Variants in GREB1 observed in about 807,000 individuals in gnomAD.
GREB1 encodes protein GREB1.
Under a neutral mutation model 200.7 loss-of-function variants are expected in GREB1, and 106 were observed. That is an observed-to-expected ratio of 0.53 (90% CI 0.45 to 0.62). The LOEUF (loss-of-function observed/expected upper bound fraction) is 0.62. GREB1 is among the 20% of genes least tolerant of loss of function. GREB1 has a pLI of 0.00. For missense variants in GREB1, 2,243 were observed against 2,556.8 expected (o/e 0.88, Z 2.65); for synonymous variants, 1,132 against 1,092.4 (o/e 1.04, Z -0.72).
At chr2:11,525,242 C>G (rs896998756) in intron 1 of GREB1, among the ~76,000 whole-genome samples, 1 of 152,114 alleles carries the variant, frequency 6.6e-6, no homozygotes, top group Admixed American at 6.6e-5. Context: ...CGGTGGCTCA[C>G]GCCTGTAATC....
At chr2:11,524,656 C>T (rs985195124) in intron 1 of GREB1, among the ~76,000 whole-genome samples, 4 of 152,174 alleles carry the variant, frequency 2.6e-5, no homozygotes, top group African/African-American at 9.7e-5. Context: ...TTTGTTCTTT[C>T]GTTACTTTTC....
At chr2:11,521,276 A>AT (rs1386826836) in intron 1 of GREB1, among the ~76,000 whole-genome samples, 2 of 152,032 alleles carry the variant, frequency 1.3e-5, no homozygotes, top group Admixed American at 1.3e-4. Flanking sequence ...TACCAAGCTA[A>AT]TTTTTGTATT....
chr2:11,557,784 C>T (rs1334576865), intron 2 of GREB1, among the ~76,000 whole-genome samples: 1 of 152,228 alleles, frequency 6.6e-6, no homozygotes, highest in African/African-American at 2.4e-5. Flanking sequence ...CTGAGAGAAA[C>T]TAGACTGTGG....
At chr2:11,538,796 C>CCTTCTTCCTTCCTTCCTTCCCTT (rs199574019) in intron 1 of GREB1, among the ~76,000 whole-genome samples, 14 of 23,948 alleles carry the variant, frequency 5.8e-4, no homozygotes, top group African/African-American at 9.2e-4. Context: ...TCCTTCCTTC[C>CCTTCTTCCTTCCTTCCTTCCCTT]CTTCTTTACT....
intron 1 of GREB1, among the ~76,000 whole-genome samples, chr2:11,511,088 G>A (rs1673337173): frequency 1.3e-5 from 2 of 152,172 alleles, no homozygotes; most frequent in African/African-American, 4.8e-5. Flanking sequence ...CTTCACATTG[G>A]CTTCTGCAGG....
intron 4 of GREB1, among the ~76,000 whole-genome samples, chr2:11,569,970 T>C (rs763641374): frequency 1.3e-5 from 2 of 152,216 alleles, no homozygotes; most frequent in African/African-American, 2.4e-5. Flanking sequence ...TGAGGTGATC[T>C]AGCCTTCTTT....
At position 11,633,425 on chromosome 2, in the gene GREB1, G is replaced by T. The variant is rs778091287; in HGVS notation, c.4991+362G>T. 2.6e-5 allele frequency among the ~76,000 whole-genome samples: 4 copies of T among 151,958 alleles called. No homozygotes were observed. Among genetic ancestry groups the T allele is most frequent in the Non-Finnish European group, 5.9e-5 (4 of 68,010 alleles). On this transcript the variant is annotated intron_variant, in intron 28 of 32. Transcript: ENST00000381486. This position sits in a 1 kb window ranked among gnomAD's most constrained non-coding sequence, Gnocchi z 4.1. ...AAAATACAAAAAAATTTAGCTGGGC[G>T]TGGTGGCGGGCGCCTGTAGTCCCAG...
At chr2:11,495,954 C>A (rs1345588748) in intron 1 of GREB1, among the ~76,000 whole-genome samples, 1 of 152,030 alleles carries the variant, frequency 6.6e-6, no homozygotes, top group Non-Finnish European at 1.5e-5. Context: ...TAACGGCAAC[C>A]CCGTTTTCCA....
At chr2:11,639,306 C>G (rs916263242) in intron 32 of GREB1, among the ~76,000 whole-genome samples, 1 of 152,204 alleles carries the variant, frequency 6.6e-6, no homozygotes, top group Non-Finnish European at 1.5e-5. Context: ...CCAGGCTGGT[C>G]TCGAACTCCC....
At position 11,497,089 on chromosome 2, in the gene GREB1, G is replaced by A. The variant is rs149143680; in HGVS notation, c.-159+14708G>A. 5.3e-4 allele frequency among the ~76,000 whole-genome samples: 81 copies of A among 152,256 alleles called. No individual in the cohort carries two copies. The East Asian group carries it at 0.012, about 22-fold the overall frequency. On this transcript the variant is annotated intron_variant, in intron 1 of 2. Transcript: ENST00000628795. Reference sequence around the variant, plus strand: ...TGGGATTACAGATGTGAGCCACCACGCCTGGCCTGTACTGCCCTTTTATAG... The same window carrying A: ...TGGGATTACAGATGTGAGCCACCACACCTGGCCTGTACTGCCCTTTTATAG...
chr2:11,559,843 G>T (rs1223821075), intron 2 of GREB1, among the ~76,000 whole-genome samples: 4 of 152,134 alleles, frequency 2.6e-5, no homozygotes, highest in Non-Finnish European at 5.9e-5. Flanking sequence ...CCCCACCTCT[G>T]GGTAATCTCT....
intron 7 of GREB1, among the ~76,000 whole-genome samples, chr2:11,582,722 C>A (rs1341399724): frequency 6.6e-6 from 1 of 152,244 alleles, no homozygotes; most frequent in African/African-American, 2.4e-5. Context: ...ATGACGCTGG[C>A]TGGGTTGAGT....
chr2:11,634,213 G>A lies in GREB1; in HGVS notation c.5074G>A (p.Ala1692Thr), dbSNP rs991868518. 5 of 1,614,202 alleles carry A rather than the reference G, an allele frequency of 3.1e-6. No individual in the cohort carries two copies. Among genetic ancestry groups the A allele is most frequent in the South Asian group, 2.2e-5 (2 of 91,090 alleles). Reference sequence around the variant, plus strand: ...GGCGGCCCCCGACATCATGCACTACGCCCTGCTGGGCCTGCGGAAGTGGTC... The same window carrying A: ...GGCGGCCCCCGACATCATGCACTACACCCTGCTGGGCCTGCGGAAGTGGTC... ...IEAAPDIMHY[A>T]LLGLRKWSSK... The change falls in exon 29 of 33, where the codon GCC (alanine) becomes ACC (threonine). Residue 1692 changes from alanine to threonine, a missense_variant. Ala to Thr is a moderately conservative substitution (Grantham distance 58). Around this residue, in one of 3 missense-constraint regions of GREB1, gnomAD observed 478 missense variants for 616.3 expected, o/e 0.78. Transcript: ENST00000381486.
chr2:11,564,134 A>T (rs1017198345), intron 3 of GREB1, among the ~76,000 whole-genome samples: 11 of 152,202 alleles, frequency 7.2e-5, no homozygotes, highest in Non-Finnish European at 1.2e-4. Context: ...AGGAACTACT[A>T]GCAGATTATT....
chr2:11,598,637 TGC>T (rs1681482538), intron 14 of GREB1, 41 bp from the exon 15 acceptor site: 1 of 1,575,012 alleles, frequency 6.3e-7, no homozygotes, highest in Non-Finnish European at 8.7e-7. Context: ...TGAAACCCAG[TGC>T]GCATGTTTGC....
intron 1 of GREB1, among the ~76,000 whole-genome samples, chr2:11,485,761 C>T (rs1163985046): frequency 6.6e-6 from 1 of 152,156 alleles, no homozygotes; most frequent in Non-Finnish European, 1.5e-5. Context: ...TATCATTTTA[C>T]TTGACATTAG....
At position 11,598,810 on chromosome 2, in the gene GREB1, G is replaced by T; in HGVS notation, c.2283G>T (p.Pro761=). 6.2e-6 allele frequency: 10 copies of T among 1,614,126 alleles called. No individual in the cohort carries two copies. Among genetic ancestry groups the T allele is most frequent in the Non-Finnish European group, 8.5e-6 (10 of 1,179,988 alleles). ...TTCTGCAAAACTCCTTCCAGAACCCGCATACACTTTTTGTCCTAATCCATG... is the reference window on the plus strand; with the variant it reads ...TTCTGCAAAACTCCTTCCAGAACCCTCATACACTTTTTGTCCTAATCCATG... The part of the protein sequence containing the change: ...KAFLQNSFQN[P]HTLFVLIHDH... The change falls in exon 15 of 33, where the codon CCG becomes CCT. Residue 761 remains proline, a synonymous_variant. Coordinates refer to ENST00000381486, the MANE Select transcript of GREB1 (RefSeq NM_014668.4).
At chr2:11,508,470 C>T (rs970711841) in intron 1 of GREB1, among the ~76,000 whole-genome samples, 1 of 152,214 alleles carries the variant, frequency 6.6e-6, no homozygotes, top group East Asian at 1.9e-4. Context: ...CAGCCTCAGG[C>T]TGGGCTCCTT....
At chr2:11,585,319 G>A (rs913109157) in intron 8 of GREB1, 45 bp downstream of exon 8, 2 of 1,206,310 alleles carry the variant, frequency 1.7e-6, no homozygotes, top group Non-Finnish European at 2.3e-6. Flanking sequence ...TTGGGTACTG[G>A]TGGTAGTGCT....
Sources: allele counts gnomAD v4.1 joint callset (sites outside exome capture counted in the v4.1 genomes callset), GRCh38; gene constraint gnomAD v4.1.1; regional missense constraint gnomAD v4.1.1; non-coding constraint Gnocchi (gnomAD v3.1); transcripts MANE v1.5; gene names NCBI Gene and HGNC (gene_info 2026-07-23, HGNC 2026-07-21).